Variants in HJURP observed in about 807,000 individuals in gnomAD.
The protein encoded by HJURP is Holliday junction recognition protein.
HJURP carries 49 observed loss-of-function variants against 72.0 expected under a neutral mutation model. That is an observed-to-expected ratio of 0.68 (90% CI 0.54 to 0.86). HJURP has a LOEUF of 0.86. Among genes scored for constraint, HJURP ranks in the 40% least tolerant of loss-of-function variants. HJURP has a pLI of 0.00. For synonymous variants in HJURP, 357 were observed against 347.1 expected, an observed-to-expected ratio of 1.03 and a Z score of -0.32; for missense variants, 908 against 936.3, an observed-to-expected ratio of 0.97 and a Z score of 0.39.
Position 233,841,450 on chromosome 2 carries a change from C to T in HJURP, c.1330G>A (p.Glu444Lys), listed in dbSNP as rs546977139. Residue 444 changes from glutamate (E) to lysine (K), a missense_variant, in exon 8 of 9, where the codon GAA becomes AAA. Physicochemically the swap from Glu to Lys is moderately conservative, Grantham distance 56. Coordinates refer to ENST00000411486, the MANE Select transcript of HJURP (RefSeq NM_018410.5). ...TGGTTCCTGGGACTCAGGCAATATTCCCGATGAAGCTGATCAAATCGGATT... is the reference window on the plus strand; with the variant it reads ...TGGTTCCTGGGACTCAGGCAATATTTCCGATGAAGCTGATCAAATCGGATT... Reference protein sequence around the residue: ...IEIRFDQLHREYCLSPRNQPR... With the variant: ...IEIRFDQLHRKYCLSPRNQPR... 1 of 1,614,236 alleles carries T rather than the reference C, an allele frequency of 6.2e-7. No individual in the cohort carries two copies. The highest frequency in any genetic ancestry group is 1.1e-5 in the South Asian group (1 of 91,084).
intron 8 of HJURP, among the ~76,000 whole-genome samples, chr2:233,839,341 G>A (rs1458859508): frequency 1.3e-5 from 2 of 152,230 alleles, no homozygotes; most frequent in Admixed American, 6.5e-5. Context: ...GGTGGGTGGA[G>A]TCTAGGGAGG....
intron 4 of HJURP, among the ~76,000 whole-genome samples, 153 bp from the exon 5 acceptor site, chr2:233,847,614 G>A (rs1041127140): frequency 6.6e-6 from 1 of 152,174 alleles, no homozygotes; most frequent in East Asian, 1.9e-4. Context: ...ACGGCTGCCC[G>A]TGGTTCTTAG....
chr2:233,841,869 C>T lies in HJURP; in HGVS notation c.911G>A (p.Arg304Lys), dbSNP rs1705241565. 2 of 1,614,204 alleles carry T rather than the reference C, an allele frequency of 1.2e-6. No homozygotes were observed. The highest frequency in any genetic ancestry group is 3.3e-5 in the Admixed American group (2 of 60,014). ...NSRRRHRYKS[R>K]MNKTYCKGAR... ...TCCTTTGCAATATGTTTTGTTCATCCTGCTCTTATATCTGTGCCTCCTCCT... is the reference window on the plus strand; with the variant it reads ...TCCTTTGCAATATGTTTTGTTCATCTTGCTCTTATATCTGTGCCTCCTCCT... The change falls in exon 8 of 9, where the codon AGG becomes AAG. Residue 304 changes from arginine to lysine, a missense_variant. Physicochemically the swap from Arg to Lys is conservative, Grantham distance 26. This residue lies in a region of HJURP where 598 missense variants were observed against 619.5 expected (regional missense o/e 0.97). Transcript: ENST00000411486.
intron 7 of HJURP, 26 bp downstream of exon 7, chr2:233,844,179 T>G (rs978889467): frequency 6.2e-7 from 1 of 1,604,130 alleles, no homozygotes; most frequent in African/African-American, 1.3e-5. Context: ...CACGCACTGT[T>G]CATACAGTTT....
chr2:233,844,038 CATCTTA>C (rs1705295327), intron 7 of HJURP, among the ~76,000 whole-genome samples, 161 bp downstream of exon 7: 1 of 152,184 alleles, frequency 6.6e-6, no homozygotes, highest in Non-Finnish European at 1.5e-5. Flanking sequence ...CATTTTGAAA[CATCTTA>C]ATCTTCCAGT....
At chr2:233,849,926 A>C (rs1273054929) in intron 3 of HJURP, 67 bp from the exon 4 acceptor site, 1 of 951,404 alleles carries the variant, frequency 1.1e-6, no homozygotes, top group Non-Finnish European at 1.6e-6. Context: ...GTCACCGCAA[A>C]ATAATAAAAC....
intron 4 of HJURP, among the ~76,000 whole-genome samples, chr2:233,849,310 T>G (rs1383934281): frequency 6.6e-6 from 1 of 151,934 alleles, no homozygotes; most frequent in Non-Finnish European, 1.5e-5. Flanking sequence ...GGACAGAGAC[T>G]GAAGACAGAA....
chr2:233,844,438 G>T (rs1379985991), intron 6 of HJURP, among the ~76,000 whole-genome samples, 155 bp from the exon 7 acceptor site: 1 of 152,198 alleles, frequency 6.6e-6, no homozygotes, highest in Non-Finnish European at 1.5e-5. Context: ...TAGGCTTCGG[G>T]CAGTGGGAAG....
Position 233,841,752 on chromosome 2 carries a change from A to G in HJURP, c.1028T>C (p.Val343Ala), listed in dbSNP as rs745399450. The G allele has an allele frequency of 2.5e-6, 4 of 1,614,030 alleles. No homozygotes were observed. The East Asian group carries it at 6.7e-5, about 27-fold the overall frequency. The change falls in exon 8 of 9, where the codon GTA becomes GCA. Residue 343 changes from valine (V) to alanine (A), a missense_variant. Physicochemically the swap from Val to Ala is moderately conservative, Grantham distance 64 (BLOSUM62 0). Coordinates refer to ENST00000411486, the MANE Select transcript of HJURP (RefSeq NM_018410.5). ...GTGALRDCKNVLDVSCRKTGL... is the reference protein window; with the variant it reads ...GTGALRDCKNALDVSCRKTGL... Reference sequence around the variant, plus strand: ...TGTCTTACGGCAAGAAACATCTAATACGTTCTTGCAATCTCTTAATGCCCC... The same window carrying G: ...TGTCTTACGGCAAGAAACATCTAATGCGTTCTTGCAATCTCTTAATGCCCC...
At chr2:233,844,179 TCATA>T in intron 7 of HJURP, 22 bp downstream of exon 7, 1 of 1,604,248 alleles carries the variant, frequency 6.2e-7, no homozygotes, top group Non-Finnish European at 8.5e-7. Context: ...CACGCACTGT[TCATA>T]CAGTTTCTAT....
At position 233,841,156 on chromosome 2, in the gene HJURP, G is replaced by T; in HGVS notation, c.1624C>A (p.Leu542Ile). The change falls in exon 8 of 9, where the codon CTT (leucine) becomes ATT (isoleucine). Residue 542 changes from leucine (L) to isoleucine (I), a missense_variant. By Grantham distance (5) the Leu-to-Ile change is conservative (BLOSUM62 2). This residue lies in a region of HJURP where 598 missense variants were observed against 619.5 expected (regional missense o/e 0.97). Transcript: ENST00000411486. ...SATRPQQTSDLHVQGNSSGIF... is the reference protein window; with the variant it reads ...SATRPQQTSDIHVQGNSSGIF... ...CCAGAACTATTTCCCTGAACGTGAA[G>T]GTCAGATGTCTGCTGCGGGCGAGTT... The T allele has an allele frequency of 1.9e-6, 3 of 1,614,168 alleles. No individual in the cohort carries two copies. Among genetic ancestry groups the T allele is most frequent in the Non-Finnish European group, 2.5e-6 (3 of 1,180,022 alleles).
chr2:233,852,710 G>C (rs750148294), intron 2 of HJURP, 90 bp from the exon 3 acceptor site: 79 of 860,548 alleles, frequency 9.2e-5, no homozygotes, highest in Non-Finnish European at 1.4e-4. Context: ...AAAGTGACAG[G>C]CAAAAAAAAG....
In HJURP at chr2:233,841,725, C is replaced by T; in HGVS notation, c.1055G>A (p.Gly352Asp). 6.2e-7 allele frequency: 1 copy of T among 1,614,164 alleles called. No individual in the cohort carries two copies. The highest frequency in any genetic ancestry group is 1.1e-5 in the South Asian group (1 of 91,072). The part of the protein sequence containing the change: ...NVLDVSCRKT[G>D]LKLEKAFLEV... ...AAGAAAAGCTTTTTCCAATTTTAAACCTGTCTTACGGCAAGAAACATCTAA... is the reference window on the plus strand; with the variant it reads ...AAGAAAAGCTTTTTCCAATTTTAAATCTGTCTTACGGCAAGAAACATCTAA... The change falls in exon 8 of 9, where the codon GGT becomes GAT. Residue 352 changes from glycine to aspartate, a missense_variant. Transcript: ENST00000411486.
chr2:233,843,067 G>T (rs552503698), intron 7 of HJURP, among the ~76,000 whole-genome samples: 2 of 152,218 alleles, frequency 1.3e-5, no homozygotes, highest in African/African-American at 4.8e-5. Flanking sequence ...AAGACTCCAT[G>T]AATTCCTACT....
At chr2:233,854,332 C>A in intron 1 of HJURP, 52 bp downstream of exon 1, 2 of 1,333,028 alleles carry the variant, frequency 1.5e-6, no homozygotes. Context: ...CCCCTCCCAG[C>A]CTCACTCCGA....
chr2:233,843,338 G>T (rs1705278270), intron 7 of HJURP, among the ~76,000 whole-genome samples: 1 of 152,106 alleles, frequency 6.6e-6, no homozygotes, highest in Non-Finnish European at 1.5e-5. Flanking sequence ...GATGACTCCA[G>T]GGAAAAAGGG....
Position 233,849,075 on chromosome 2 carries a change from C to T in HJURP, c.337+688G>A, listed in dbSNP as rs566776139. Among the ~76,000 whole-genome samples the T allele has an allele frequency of 2.0e-5, 3 of 152,242 alleles. No individual in the cohort carries two copies. In the East Asian group the frequency reaches 5.8e-4, roughly 29 times the overall value. On this transcript the variant is annotated intron_variant, in intron 4 of 8. Coordinates refer to ENST00000411486, the MANE Select transcript of HJURP (RefSeq NM_018410.5). ...GTGAGAAACCTCACCCAGAGTTGGG[C>T]TTTAGAGATGGAGCCGAAAGGAGTC... is the stretch of plus-strand genomic sequence containing the variant.
chr2:233,841,609 C>T lies in HJURP; in HGVS notation c.1171G>A (p.Asp391Asn), dbSNP rs188533158. 81 of 1,614,118 alleles carry T rather than the reference C, an allele frequency of 5.0e-5. No homozygotes were observed. The African/African-American group carries it at 8.9e-4, about 18-fold the overall frequency. ...PSKYSSLIYFDSSATYNLDEE... is the reference protein window; with the variant it reads ...PSKYSSLIYFNSSATYNLDEE... Reference sequence around the variant, plus strand: ...TCAAGATTATATGTTGCACTGGAGTCGAAGTAAATCAAGGAAGAATACTTC... The same window carrying T: ...TCAAGATTATATGTTGCACTGGAGTTGAAGTAAATCAAGGAAGAATACTTC... Residue 391 changes from aspartate (D) to asparagine (N), a missense_variant, in exon 8 of 9, where the codon GAC (aspartate) becomes AAC (asparagine). By Grantham distance (23) the Asp-to-Asn change is conservative. Coordinates refer to ENST00000411486, the MANE Select transcript of HJURP (RefSeq NM_018410.5).
chr2:233,845,174 TAG>T (rs1218790410), intron 6 of HJURP, among the ~76,000 whole-genome samples: 4 of 151,644 alleles, frequency 2.6e-5, no homozygotes, highest in Admixed American at 6.6e-5. Context: ...TTTTTTGAGA[TAG>T]AGTCTTGCTC....
Sources: allele counts gnomAD v4.1 joint callset (sites outside exome capture counted in the v4.1 genomes callset), GRCh38; gene constraint gnomAD v4.1.1; regional missense constraint gnomAD v4.1.1; transcripts MANE v1.5; gene names NCBI Gene and HGNC (gene_info 2026-07-23, HGNC 2026-07-21).